The following SLC4A4 variants were observed in gnomAD, a reference collection of about 807,000 sequenced individuals.
The protein encoded by SLC4A4 is solute carrier family 4 member 4, also known as electrogenic sodium bicarbonate cotransporter 1.
SLC4A4 carries 27 observed loss-of-function variants against 111.5 expected under a neutral mutation model. The ratio of observed to expected loss-of-function variants is 0.24; its 90% CI spans 0.18 to 0.33. The LOEUF is 0.33. Ranked by LOEUF, SLC4A4 falls within the 10% of genes least tolerant of loss-of-function variation. The pLI is 1.00. For synonymous variants in SLC4A4, 443 were observed against 463.4 expected, an observed-to-expected ratio of 0.96 and a Z score of 0.57; for missense variants, 909 against 1,315.5, an observed-to-expected ratio of 0.69 and a Z score of 4.78.
In SLC4A4 at chr4:71,458,903, C is replaced by T. The variant is rs558574600; in HGVS notation, c.1497+5234C>T. Among the ~76,000 whole-genome samples the T allele has an allele frequency of 1.2e-4, 18 of 152,026 alleles. No homozygotes were observed. The South Asian group carries it at 1.5e-3, about 12-fold the overall frequency. On this transcript the variant is annotated intron_variant, in intron 12 of 25. Coordinates refer to ENST00000264485, the MANE Select transcript of SLC4A4 (RefSeq NM_001098484.3). The stretch of plus-strand genomic sequence containing the variant: ...TCCTTGAAGTGAAAATATAAGGTGA[C>T]GTTAATCTACACTATCAACATATTC...
chr4:71,270,200 G>A (rs1389586597), intron 3 of SLC4A4, among the ~76,000 whole-genome samples: 3 of 152,110 alleles, frequency 2.0e-5, no homozygotes, highest in Admixed American at 6.5e-5. Context: ...CGATTCTCTT[G>A]CCTCAGCCTC....
intron 1 of SLC4A4, among the ~76,000 whole-genome samples, chr4:71,231,602 CCT>C (rs2149032540): frequency 6.6e-6 from 1 of 152,204 alleles, no homozygotes; most frequent in East Asian, 1.9e-4. Flanking sequence ...CATTATTGGC[CCT>C]GAGTGGATTT....
intron 3 of SLC4A4, among the ~76,000 whole-genome samples, chr4:71,337,398 T>C (rs1728516702): frequency 1.3e-5 from 2 of 152,166 alleles, no homozygotes; most frequent in Admixed American, 1.3e-4. Context: ...TTTTATATGG[T>C]ATACATGTCA....
chr4:71,543,091 T>C (rs947196980), intron 18 of SLC4A4, among the ~76,000 whole-genome samples: 1 of 151,930 alleles, frequency 6.6e-6, no homozygotes, highest in Non-Finnish European at 1.5e-5. Flanking sequence ...GAGAAGGAGA[T>C]GGTATGTTGA....
At chr4:71,066,234 C>G (rs1741513189) in intron 1 of SLC4A4, among the ~76,000 whole-genome samples, 2 of 152,174 alleles carry the variant, frequency 1.3e-5, no homozygotes, top group Non-Finnish European at 2.9e-5. Context: ...ACCAGGATCT[C>G]TCTGGATCCA....
intron 23 of SLC4A4, among the ~76,000 whole-genome samples, chr4:71,561,921 G>C (rs1026311): frequency 6.6e-6 from 1 of 151,688 alleles, no homozygotes; most frequent in African/African-American, 2.4e-5. Context: ...TTATGAGTGT[G>C]TGAAGTCGGG....
At chr4:71,504,048 T>C (rs1731173150) in intron 16 of SLC4A4, among the ~76,000 whole-genome samples, 1 of 152,182 alleles carries the variant, frequency 6.6e-6, no homozygotes, top group Non-Finnish European at 1.5e-5. Context: ...TTCTCTTATA[T>C]GTGACTTGAT....
In SLC4A4 at chr4:71,244,725, T is replaced by C. The variant is rs553963176; in HGVS notation, c.73+8076T>C. 4.0e-5 allele frequency among the ~76,000 whole-genome samples: 6 copies of C among 151,732 alleles called. No individual in the cohort carries two copies. In the South Asian group the frequency reaches 1.0e-3, roughly 26 times the overall value. ...GGTAATCAACAGATTAGTTGATTAG[T>C]ACTTACGTTAACTCTTCTTACTAAA... On this transcript the variant is annotated intron_variant, in intron 2 of 25. Coordinates refer to ENST00000264485, the MANE Select transcript of SLC4A4 (RefSeq NM_001098484.3).
intron 13 of SLC4A4, among the ~76,000 whole-genome samples, chr4:71,472,313 A>G (rs10084913): frequency 0.27 from 40,773 of 151,780 alleles, 7,583 homozygotes; most frequent in East Asian, 0.59. Flanking sequence ...ATTGATCTTC[A>G]TGTCTTTATG....
intron 18 of SLC4A4, among the ~76,000 whole-genome samples, chr4:71,540,628 G>A (rs549376651): frequency 6.6e-6 from 1 of 152,254 alleles, no homozygotes; most frequent in South Asian, 2.1e-4. Context: ...GTGCCCTGAA[G>A]GAGTTTAATG....
At chr4:71,165,080 TA>T (rs1237084336) in intron 2 of SLC4A4, among the ~76,000 whole-genome samples, 2 of 152,062 alleles carry the variant, frequency 1.3e-5, no homozygotes, top group Non-Finnish European at 2.9e-5. Flanking sequence ...TGTGGAGAAA[TA>T]GGAACACTTT....
intron 16 of SLC4A4, among the ~76,000 whole-genome samples, chr4:71,501,015 G>A (rs984341845): frequency 6.6e-6 from 1 of 152,014 alleles, no homozygotes; most frequent in African/African-American, 2.4e-5. Context: ...ATTTGGATAG[G>A]GTTTGCTTTG....
chr4:71,311,306 A>T (rs1473727071), intron 3 of SLC4A4, among the ~76,000 whole-genome samples: 2 of 152,176 alleles, frequency 1.3e-5, no homozygotes, highest in Admixed American at 1.3e-4. Flanking sequence ...ATTAACAAGG[A>T]TATTCACAAC....
At chr4:71,462,989 G>C (rs1726981418) in intron 12 of SLC4A4, among the ~76,000 whole-genome samples, 1 of 152,146 alleles carries the variant, frequency 6.6e-6, no homozygotes, top group Admixed American at 6.5e-5. Flanking sequence ...ATTTACTGAG[G>C]TGAAGTGACA....
intron 2 of SLC4A4, among the ~76,000 whole-genome samples, chr4:71,177,688 A>T (rs1745142102): frequency 6.6e-6 from 1 of 152,214 alleles, no homozygotes; most frequent in Non-Finnish European, 1.5e-5. Context: ...GCACATCCTT[A>T]GTGACCTACA....
At chr4:71,211,235 G>A (rs573367998) in intron 1 of SLC4A4, among the ~76,000 whole-genome samples, 4 of 152,016 alleles carry the variant, frequency 2.6e-5, no homozygotes, top group South Asian at 4.2e-4. Context: ...TAGGCTTTTG[G>A]CAGATTCAGA....
chr4:71,282,293 A>G lies in SLC4A4; in HGVS notation c.253+26894A>G, dbSNP rs1329869715. Reference sequence around the variant, plus strand: ...GTTAGGAAAAAGGGCATCCCTAAAGATGATTTTTTTTTTTTTTGAGATGGA... The same window carrying G: ...GTTAGGAAAAAGGGCATCCCTAAAGGTGATTTTTTTTTTTTTTGAGATGGA... On this transcript the variant is annotated intron_variant, in intron 3 of 25. Transcript: ENST00000264485. Among the ~76,000 whole-genome samples, 5 of 150,474 alleles carry G rather than the reference A, an allele frequency of 3.3e-5. 1 individual carries two copies. The highest frequency in any genetic ancestry group is 2.0e-4 in the Admixed American group (3 of 15,190).
At chr4:71,111,537 T>TTGTTTTTCG in intron 2 of SLC4A4, among the ~76,000 whole-genome samples, 1 of 140,358 alleles carries the variant, frequency 7.1e-6, no homozygotes, top group African/African-American at 2.7e-5. Context: ...TTTTTTTTTT[T>TTGTTTTTCG]TTTTTTTTTT....
chr4:71,102,700 C>T (rs1176996872), intron 2 of SLC4A4, among the ~76,000 whole-genome samples: 2 of 150,006 alleles, frequency 1.3e-5, no homozygotes, highest in Non-Finnish European at 3.0e-5. Flanking sequence ...AAATAAAATC[C>T]TTTACAGACA....
Sources: allele counts gnomAD v4.1 joint callset (sites outside exome capture counted in the v4.1 genomes callset), GRCh38; gene constraint gnomAD v4.1.1; transcripts MANE v1.5; gene names NCBI Gene and HGNC (gene_info 2026-07-23, HGNC 2026-07-21).